The following EFTUD2 variants were observed in gnomAD, a reference collection of about 807,000 sequenced individuals.
EFTUD2 encodes elongation factor Tu GTP binding domain containing 2.
In EFTUD2, 9 loss-of-function variants were observed where a neutral mutation model predicts 114.3. The observed-to-expected ratio is 0.08, with a 90% CI of 0.05 to 0.14. The LOEUF is 0.14. Among genes scored for constraint, EFTUD2 ranks in the 10% least tolerant of loss-of-function variants. The pLI is 1.00. For synonymous variants in EFTUD2, 449 were observed against 462.3 expected (o/e 0.97, Z 0.37); for missense variants, 765 against 1,241.2 (o/e 0.62, Z 5.76).
At chr17:44,882,679 A>C (rs753008738) in intron 6 of EFTUD2, among the ~76,000 whole-genome samples, 19 of 152,202 alleles carry the variant, frequency 1.2e-4, no homozygotes, top group Admixed American at 9.2e-4. Flanking sequence ...AAAACAATCA[A>C]TCTGGCAGGG....
intron 23 of EFTUD2, 127 bp from the exon 24 acceptor site, chr17:44,853,762 A>G: frequency 6.6e-7 from 1 of 1,509,820 alleles, no homozygotes; most frequent in Non-Finnish European, 8.9e-7. Flanking sequence ...ACAGAAATCA[A>G]ATGGGAGGTG....
chr17:44,874,488 A>G (rs2050911379), intron 10 of EFTUD2, among the ~76,000 whole-genome samples: 1 of 152,154 alleles, frequency 6.6e-6, no homozygotes, highest in Non-Finnish European at 1.5e-5. Flanking sequence ...TCCTGAAGGT[A>G]TCTGTCTCTA....
intron 26 of EFTUD2, 45 bp downstream of exon 26, chr17:44,852,364 G>T (rs763988383): frequency 6.2e-7 from 1 of 1,610,486 alleles, no homozygotes; most frequent in Non-Finnish European, 8.5e-7. Context: ...GATGAGGCTT[G>T]CAGAGGTGGG....
At position 44,854,099 on chromosome 17, in the gene EFTUD2, C is replaced by T. The variant is rs2050503869; in HGVS notation, c.2347+170G>A. On this transcript the variant is annotated intron_variant, in intron 23 of 27. Coordinates refer to ENST00000426333, the MANE Select transcript of EFTUD2 (RefSeq NM_004247.4). This position sits in a 1 kb window ranked among gnomAD's most constrained non-coding sequence, Gnocchi z 4.3. The stretch of plus-strand genomic sequence containing the variant: ...TTAAATTTCCATTTCCAGGCTACAC[C>T]ACCAGGATAAGGAAGGAAAAGGGAA... 1 of 1,430,492 alleles carries T rather than the reference C, an allele frequency of 7.0e-7. No homozygotes were observed. The highest frequency in any genetic ancestry group is 2.8e-5 in the Admixed American group (1 of 36,198). The allele number at this position is 1,430,492 out of a possible 1,614,324, so 88.6% of individuals were successfully genotyped here.
chr17:44,859,277 T>G (rs2050612965), intron 18 of EFTUD2, 96 bp from the exon 19 acceptor site: 1 of 849,902 alleles, frequency 1.2e-6, no homozygotes. Context: ...AAGTTGCCTA[T>G]CAGAAACAGC....
Position 44,854,271 on chromosome 17 carries a change from T to G in EFTUD2, c.2345A>C (p.Glu782Ala), listed in dbSNP as rs1211594586. 3 of 1,612,494 alleles carry G rather than the reference T, an allele frequency of 1.9e-6. No homozygotes were observed. Among genetic ancestry groups the G allele is most frequent in the Non-Finnish European group, 2.5e-6 (3 of 1,179,412 alleles). Residue 782 changes from glutamate to alanine, a missense_variant and splice_region_variant, in exon 23 of 28, where the codon GAA (glutamate) becomes GCA (alanine). Glu to Ala is a moderately radical substitution (Grantham distance 107). Around this residue, in one of 6 missense-constraint regions of EFTUD2, gnomAD observed 166 missense variants for 401.5 expected, o/e 0.41. Transcript: ENST00000426333. This position sits in a 1 kb window ranked among gnomAD's most constrained non-coding sequence, Gnocchi z 4.3. ...TGGGGGAGTGCTGGTGGACTTACAT[T>G]CATCACAGAGGGGGCCCTCCCTGGT... The part of the protein sequence containing the change: ...WGTREGPLCD[E>A]LIRNVKFKIL...
chr17:44,857,245 G>A, intron 19 of EFTUD2, 88 bp from the exon 20 acceptor site: 1 of 1,104,120 alleles, frequency 9.1e-7, no homozygotes, highest in Non-Finnish European at 1.4e-6. Context: ...AAGCTCCCTT[G>A]ACACTACCTC....
chr17:44,858,014 C>T (rs972566239), intron 19 of EFTUD2, among the ~76,000 whole-genome samples: 1 of 150,188 alleles, frequency 6.7e-6, no homozygotes, highest in African/African-American at 2.5e-5. Flanking sequence ...CTCTGCCACC[C>T]GGTTTCAAAC....
intron 4 of EFTUD2, chr17:44,884,009 G>C: frequency 2.6e-6 from 1 of 388,292 alleles, no homozygotes; most frequent in South Asian, 2.6e-5. Context: ...GCTCATGCCT[G>C]TGATCCCAGC....
chr17:44,853,850 A>AC, intron 23 of EFTUD2: 1 of 1,411,746 alleles, frequency 7.1e-7, no homozygotes. Context: ...GCTTCAGGCC[A>AC]TGCTCAGACT....
chr17:44,853,906 A>AT, intron 23 of EFTUD2: 1 of 1,364,446 alleles, frequency 7.3e-7, no homozygotes, highest in Non-Finnish European at 9.4e-7. Context: ...ACATATTTAC[A>AT]TTTTTGTGGA....
At chr17:44,881,818 G>T (rs1253776289) in intron 6 of EFTUD2, 96 bp from the exon 7 acceptor site, 19 of 1,201,024 alleles carry the variant, frequency 1.6e-5, no homozygotes, top group Non-Finnish European at 2.2e-5. Flanking sequence ...CCAGCTCAAG[G>T]GTTTCTTTGA....
chr17:44,895,146 T>C (rs1285656105), intron 1 of EFTUD2, among the ~76,000 whole-genome samples: 1 of 152,244 alleles, frequency 6.6e-6, no homozygotes, highest in Non-Finnish European at 1.5e-5. Flanking sequence ...GAAAAATATT[T>C]CATGATACAT....
Position 44,863,616 on chromosome 17 carries a change from A to G in EFTUD2, c.1413+39T>C, listed in dbSNP as rs948860992. The G allele has an allele frequency of 5.0e-6, 8 of 1,589,076 alleles. No homozygotes were observed. In the African/African-American group the frequency reaches 9.5e-5, roughly 19 times the overall value. ...ATCAGTATCCCCACACAGGAAGGGG[A>G]AAAAAAGACCAGAGAACCGGGGAGC... On this transcript the variant is annotated intron_variant, in intron 15 of 27. Coordinates refer to ENST00000426333, the MANE Select transcript of EFTUD2 (RefSeq NM_004247.4).
chr17:44,867,650 CAGA>C (rs2050773431), intron 13 of EFTUD2, among the ~76,000 whole-genome samples, 154 bp downstream of exon 13: 3 of 152,142 alleles, frequency 2.0e-5, no homozygotes, highest in South Asian at 2.1e-4. Flanking sequence ...GTTCTGGATC[CAGA>C]AGATTACTTC....
intron 19 of EFTUD2, 134 bp from the exon 20 acceptor site, chr17:44,857,291 A>T (rs2050574239): frequency 2.8e-6 from 2 of 702,050 alleles, no homozygotes; most frequent in Non-Finnish European, 5.1e-6. Context: ...AGCACAAGTG[A>T]TAAGTACAAC....
At chr17:44,885,398 A>G in intron 3 of EFTUD2, 64 bp from the exon 4 acceptor site, 1 of 1,072,312 alleles carries the variant, frequency 9.3e-7, no homozygotes, top group East Asian at 2.4e-5. Flanking sequence ...ACGGAACACT[A>G]TTCCATTAGA....
At chr17:44,870,137 T>C (rs1348401069) in intron 11 of EFTUD2, among the ~76,000 whole-genome samples, 1 of 152,208 alleles carries the variant, frequency 6.6e-6, no homozygotes, top group East Asian at 1.9e-4. Flanking sequence ...CTTTCCATGA[T>C]AACGCTGCTG....
chr17:44,881,145 A>C (rs576610160), intron 7 of EFTUD2, among the ~76,000 whole-genome samples: 13 of 152,330 alleles, frequency 8.5e-5, no homozygotes, highest in African/African-American at 3.1e-4. Context: ...CCTTTAGTTA[A>C]CCATACTTAT....
Sources: gnomAD v4.1 joint callset for allele counts (sites outside exome capture counted in the v4.1 genomes callset) on GRCh38, gnomAD v4.1.1 for gene constraint, gnomAD v4.1.1 regional missense constraint, Gnocchi (gnomAD v3.1) non-coding constraint, MANE v1.5 for transcripts, NCBI Gene and HGNC (gene_info 2026-07-23, HGNC 2026-07-21) for gene names.